Variants in YWHAE observed in about 807,000 individuals in gnomAD.
YWHAE encodes 14-3-3 protein epsilon.
YWHAE carries 4 observed loss-of-function variants against 30.1 expected under a neutral mutation model. The observed-to-expected ratio is 0.13, with a 90% CI of 0.07 to 0.30. The LOEUF is 0.30. Ranked by LOEUF, YWHAE falls within the 10% of genes least tolerant of loss-of-function variation. The probability of loss-of-function intolerance (pLI) is 1.00; values close to 1 mark genes in which losing one functional copy is unlikely to be tolerated. For missense variants in YWHAE, 121 were observed against 315.9 expected (o/e 0.38, Z 4.68); for synonymous variants, 118 against 111.8 (o/e 1.06, Z -0.35).
intron 1 of YWHAE, among the ~76,000 whole-genome samples, chr17:1,398,570 A>C (rs1435554277): frequency 6.6e-6 from 1 of 152,214 alleles, no homozygotes; most frequent in Non-Finnish European, 1.5e-5. Flanking sequence ...TATTTTAATT[A>C]GGAAAAAAAT....
At chr17:1,357,129 C>A (rs531278640) in intron 4 of YWHAE, among the ~76,000 whole-genome samples, 1 of 151,624 alleles carries the variant, frequency 6.6e-6, no homozygotes, top group Non-Finnish European at 1.5e-5. Context: ...ATAGGCCGGG[C>A]GCGGTGGCTC....
intron 4 of YWHAE, among the ~76,000 whole-genome samples, chr17:1,359,172 A>G (rs1420568195): frequency 6.6e-6 from 1 of 151,986 alleles, no homozygotes; most frequent in East Asian, 1.9e-4. Flanking sequence ...GGAAAAGAAA[A>G]GGCCAGGTAT....
chr17:1,347,122 T>C (rs2072534064), intron 5 of YWHAE, among the ~76,000 whole-genome samples: 2 of 139,842 alleles, frequency 1.4e-5, no homozygotes. Flanking sequence ...GGTCAGGAGA[T>C]CGAGACCATC....
intron 1 of YWHAE, among the ~76,000 whole-genome samples, chr17:1,390,426 G>A (rs1193236841): frequency 6.6e-6 from 1 of 152,110 alleles, no homozygotes; most frequent in Non-Finnish European, 1.5e-5. Flanking sequence ...AAAAAGGTAG[G>A]TTATCATCTA....
At chr17:1,365,858 T>C (rs1024683887) in intron 1 of YWHAE, among the ~76,000 whole-genome samples, 4 of 152,172 alleles carry the variant, frequency 2.6e-5, no homozygotes, top group Admixed American at 2.0e-4. Context: ...CTCATACCCC[T>C]AGCACTTTGA....
intron 1 of YWHAE, among the ~76,000 whole-genome samples, chr17:1,384,260 C>A (rs1358504338): frequency 6.6e-6 from 1 of 151,924 alleles, no homozygotes; most frequent in Non-Finnish European, 1.5e-5. Flanking sequence ...CCTGTAGTCC[C>A]AGCTACCCAG....
Position 1,344,361 on chromosome 17 carries a change from G to C in YWHAE, c.*1086C>G, listed in dbSNP as rs1598216386. On this transcript the variant is annotated 3_prime_UTR_variant, in exon 6 of 6. Coordinates refer to ENST00000264335, the MANE Select transcript of YWHAE (RefSeq NM_006761.5). Reference sequence around the variant, plus strand: ...ACAAGACACACCATCAACTGACTCAGTGTTCTTCACAACCAGACTACAGGC... The same window carrying C: ...ACAAGACACACCATCAACTGACTCACTGTTCTTCACAACCAGACTACAGGC... 1 of 170,814 alleles carries C rather than the reference G, an allele frequency of 5.9e-6. No individual in the cohort carries two copies. 10.6% of individuals were successfully genotyped at this position (170,814 alleles called of 1,614,324 possible).
rs544305260 is a variant in YWHAE at position 1,381,143 on chromosome 17, G to A, written c.65-16085C>T. ...CTCACGTCTGTAATCCCAGAACTTC[G>A]GGAGGCTAACAATCACTTGAGGTCA... is the stretch of plus-strand genomic sequence containing the variant. On this transcript the variant is annotated intron_variant, in intron 1 of 5. Coordinates refer to ENST00000264335, the MANE Select transcript of YWHAE (RefSeq NM_006761.5). Among the ~76,000 whole-genome samples the A allele has an allele frequency of 2.0e-5, 3 of 152,268 alleles. No individual in the cohort carries two copies. In the East Asian group the frequency reaches 5.8e-4, roughly 29 times the overall value.
chr17:1,382,195 C>G lies in YWHAE; in HGVS notation c.65-17137G>C, dbSNP rs1289290821. 7.3e-5 allele frequency among the ~76,000 whole-genome samples: 11 copies of G among 151,658 alleles called. No individual in the cohort carries two copies. In the East Asian group the frequency reaches 2.1e-3, roughly 30 times the overall value. ...TCCCATGTAACTGGGACTTCAGGCG[C>G]CCACCACCATGCCCGGCAAATTTTT... On this transcript the variant is annotated intron_variant, in intron 1 of 5. Transcript: ENST00000264335.
At chr17:1,367,586 C>A (rs1231544091) in intron 1 of YWHAE, among the ~76,000 whole-genome samples, 1 of 152,068 alleles carries the variant, frequency 6.6e-6, no homozygotes, top group African/African-American at 2.4e-5. Flanking sequence ...CCAGCAAAAA[C>A]CACAATTACT....
At chr17:1,352,653 GTA>G (rs1411711809) in intron 5 of YWHAE, among the ~76,000 whole-genome samples, 2 of 152,008 alleles carry the variant, frequency 1.3e-5, no homozygotes, top group Non-Finnish European at 2.9e-5. Flanking sequence ...AGCCTCCTGA[GTA>G]GCTGGGACTA....
At chr17:1,382,201 AC>A (rs1005220953) in intron 1 of YWHAE, among the ~76,000 whole-genome samples, 3 of 150,934 alleles carry the variant, frequency 2.0e-5, no homozygotes, top group African/African-American at 7.3e-5. Context: ...GGCGCCCACC[AC>A]CATGCCCGGC....
chr17:1,359,812 T>TCGTG (rs1555640505), intron 4 of YWHAE, among the ~76,000 whole-genome samples: 3 of 130,718 alleles, frequency 2.3e-5, no homozygotes, highest in Admixed American at 1.6e-4. Flanking sequence ...CACTAAATTG[T>TCGTG]TGTGTGTGTG....
intron 5 of YWHAE, among the ~76,000 whole-genome samples, chr17:1,351,038 A>T (rs1362672476): frequency 6.6e-6 from 1 of 151,036 alleles, no homozygotes; most frequent in African/African-American, 2.4e-5. Context: ...CAATCTGGGC[A>T]ACAGGGAGAG....
intron 1 of YWHAE, among the ~76,000 whole-genome samples, chr17:1,379,115 T>C (rs1361133903): frequency 1.3e-5 from 2 of 152,208 alleles, no homozygotes; most frequent in Non-Finnish European, 2.9e-5. Flanking sequence ...GCTTAAAGTT[T>C]GCGATGTCAT....
chr17:1,379,329 T>TA (rs1009784884), intron 1 of YWHAE, among the ~76,000 whole-genome samples: 15 of 151,604 alleles, frequency 9.9e-5, no homozygotes, highest in African/African-American at 3.6e-4. Context: ...TACTAAAATA[T>TA]AAAAAATTAG....
intron 5 of YWHAE, chr17:1,352,280 A>G (rs1043080394): frequency 6.6e-5 from 10 of 152,132 alleles, no homozygotes; most frequent in African/African-American, 2.4e-4. Flanking sequence ...AATCCTAAAC[A>G]TATCATAAAG....
chr17:1,382,588 C>T (rs1210963549), intron 1 of YWHAE, among the ~76,000 whole-genome samples: 1 of 151,568 alleles, frequency 6.6e-6, no homozygotes, highest in Non-Finnish European at 1.5e-5. Flanking sequence ...TCTCAATCTC[C>T]TGACCCTGTG....
At chr17:1,379,447 T>G (rs1303931417) in intron 1 of YWHAE, among the ~76,000 whole-genome samples, 1 of 152,212 alleles carries the variant, frequency 6.6e-6, no homozygotes, top group Non-Finnish European at 1.5e-5. Context: ...ATCACGCCAC[T>G]GCACTCCAGC....
Sources: gnomAD v4.1 joint callset for allele counts (sites outside exome capture counted in the v4.1 genomes callset) on GRCh38, gnomAD v4.1.1 for gene constraint, MANE v1.5 for transcripts, NCBI Gene and HGNC (gene_info 2026-07-23, HGNC 2026-07-21) for gene names.